Variants in LAMA3 observed in about 807,000 individuals in gnomAD.
The protein encoded by LAMA3 is laminin subunit alpha-3.
A neutral mutation model predicts 402.0 loss-of-function variants in LAMA3; 281 were observed. The ratio of observed to expected loss-of-function variants is 0.70; its 90% CI spans 0.63 to 0.77. The LOEUF is 0.77. Ranked by LOEUF, LAMA3 falls within the 30% of genes least tolerant of loss-of-function variation. The pLI is 0.00. For missense variants in LAMA3, 3,840 were observed against 4,215.5 expected (o/e 0.91, Z 2.47); for synonymous variants, 1,431 against 1,558.4 (o/e 0.92, Z 1.93).
chr18:23,914,627 T>G (rs572734946), intron 57 of LAMA3, 66 bp downstream of exon 57: 1 of 1,605,034 alleles, frequency 6.2e-7, no homozygotes, highest in Non-Finnish European at 8.5e-7. Flanking sequence ...CTGAACCCCA[T>G]TTTTAGTGGC....
intron 1 of LAMA3, among the ~76,000 whole-genome samples, chr18:23,697,631 T>C (rs1313026353): frequency 6.6e-6 from 1 of 152,168 alleles, no homozygotes; most frequent in African/African-American, 2.4e-5. Context: ...TCATTGGAGC[T>C]TCCTGGATTT....
intron 38 of LAMA3, among the ~76,000 whole-genome samples, chr18:23,875,985 T>C (rs1000219115): frequency 1.3e-5 from 2 of 152,154 alleles, no homozygotes; most frequent in Non-Finnish European, 2.9e-5. Flanking sequence ...ATTAAAAATA[T>C]TCACACTCAC....
chr18:23,894,923 G>A lies in LAMA3; in HGVS notation c.5478G>A (p.Val1826=). 6.2e-7 allele frequency: 1 copy of A among 1,614,216 alleles called. No homozygotes were observed. Among genetic ancestry groups the A allele is most frequent in the Non-Finnish European group, 8.5e-7 (1 of 1,180,038 alleles). Reference sequence around the variant, plus strand: ...CCCCTACAGATTGCGACAGCTGTGTGATGACCCTCCTGAACGACCTGGCCA... The same window carrying A: ...CCCCTACAGATTGCGACAGCTGTGTAATGACCCTCCTGAACGACCTGGCCA... ...AEECDDCDSC[V]MTLLNDLATM... The change falls in exon 44 of 75, where the codon GTG becomes GTA. Residue 1826 remains valine, a synonymous_variant. Transcript: ENST00000313654.
chr18:23,768,554 A>G (rs1350265272), intron 8 of LAMA3, among the ~76,000 whole-genome samples: 1 of 152,232 alleles, frequency 6.6e-6, no homozygotes, highest in Non-Finnish European at 1.5e-5. Context: ...GGGGATGTAA[A>G]TTATTTTAGC....
At chr18:23,845,646 A>G (rs904076538) in intron 30 of LAMA3, among the ~76,000 whole-genome samples, 2 of 152,184 alleles carry the variant, frequency 1.3e-5, no homozygotes, top group African/African-American at 2.4e-5. Flanking sequence ...TTTCCCTGTC[A>G]TAGATTCCTG....
chr18:23,808,002 CCTT>C (rs2062996250), intron 12 of LAMA3, among the ~76,000 whole-genome samples: 1 of 152,144 alleles, frequency 6.6e-6, no homozygotes, highest in Non-Finnish European at 1.5e-5. Flanking sequence ...GAGTGTTTGT[CCTT>C]CTGTCTGCCA....
chr18:23,884,834 A>G lies in LAMA3; in HGVS notation c.5284A>G (p.Thr1762Ala). 1 of 1,612,528 alleles carries G rather than the reference A, an allele frequency of 6.2e-7. No homozygotes were observed. The highest frequency in any genetic ancestry group is 8.5e-7 in the Non-Finnish European group (1 of 1,179,246). Residue 1762 changes from threonine to alanine, a missense_variant, in exon 41 of 75, where the codon ACA becomes GCA. By Grantham distance (58) the Thr-to-Ala change is moderately conservative. Around this residue, in one of 3 missense-constraint regions of LAMA3, gnomAD observed 2,109 missense variants for 2,376.0 expected, o/e 0.89. Coordinates refer to ENST00000313654, the MANE Select transcript of LAMA3 (RefSeq NM_198129.4). ...GCGGTGCTCCTGCAAAGCTGGGTAC[A>G]CAGGAACACAGTGTGAAAGGTAAGG... ...DVRCSCKAGY[T>A]GTQCERCAPG... is the part of the protein sequence containing the mutation.
At chr18:23,700,555 T>C (rs1011730301) in intron 1 of LAMA3, among the ~76,000 whole-genome samples, 14 of 152,172 alleles carry the variant, frequency 9.2e-5, no homozygotes, top group African/African-American at 3.4e-4. Context: ...GACATGACCT[T>C]GAGTGAGTTA....
intron 19 of LAMA3, among the ~76,000 whole-genome samples, chr18:23,821,750 A>G (rs1369879091): frequency 6.6e-6 from 1 of 152,136 alleles, no homozygotes; most frequent in Non-Finnish European, 1.5e-5. Context: ...TGTTACCACT[A>G]TTGTATTTGG....
chr18:23,697,879 CATGGGT>C (rs1383055761), intron 1 of LAMA3, among the ~76,000 whole-genome samples: 2 of 151,972 alleles, frequency 1.3e-5, no homozygotes, highest in African/African-American at 4.8e-5. Flanking sequence ...AAGTCTAAGG[CATGGGT>C]ATGGCTGGTT....
intron 12 of LAMA3, among the ~76,000 whole-genome samples, chr18:23,807,993 A>G (rs2062996060): frequency 6.6e-6 from 1 of 152,178 alleles, no homozygotes; most frequent in Non-Finnish European, 1.5e-5. Context: ...AGGAGATCTG[A>G]GTGTTTGTCC....
chr18:23,872,791 G>A (rs2064566156), intron 38 of LAMA3: 1 of 516,646 alleles, frequency 1.9e-6, no homozygotes, highest in South Asian at 2.0e-5. Flanking sequence ...GATTTAGGGC[G>A]TCTGCAGGGT....
rs1467571507 is a variant in LAMA3, at chr18:23,932,298, G to C, written c.8708+7G>C. 1 of 1,613,650 alleles carries C rather than the reference G, an allele frequency of 6.2e-7. No individual in the cohort carries two copies. Among genetic ancestry groups the C allele is most frequent in the South Asian group, 1.1e-5 (1 of 91,048 alleles). On this transcript the variant is annotated splice_region_variant and intron_variant, in intron 66 of 74. Transcript: ENST00000313654. ...GCAATGTTTTTGTCCAGAGGTAGGT[G>C]ATCCTCTCTTTGTGGGTAACTGATG...
Position 23,879,966 on chromosome 18 carries a change from C to A in LAMA3, c.5113-1970C>A, listed in dbSNP as rs1165242614. ...GTCTCAGAGCTAAGTAGACACAGGA[C>A]TGAAATATATCTATACAGTCATGTT... On this transcript the variant is annotated intron_variant, in intron 39 of 74. Coordinates refer to ENST00000313654, the MANE Select transcript of LAMA3 (RefSeq NM_198129.4). This position sits in a 1 kb window ranked among gnomAD's most constrained non-coding sequence, Gnocchi z 4.2. Among the ~76,000 whole-genome samples the A allele has an allele frequency of 1.3e-5, 2 of 152,194 alleles. No homozygotes were observed. Among genetic ancestry groups the A allele is most frequent in the East Asian group, 1.9e-4 (1 of 5,202 alleles).
At chr18:23,873,458 G>A (rs1472268272) in intron 38 of LAMA3, among the ~76,000 whole-genome samples, 2 of 152,188 alleles carry the variant, frequency 1.3e-5, no homozygotes, top group Non-Finnish European at 2.9e-5. Context: ...GAGCTTGAAT[G>A]CTTGCGGGAT....
At chr18:23,770,942 AT>A (rs1402559257) in intron 8 of LAMA3, among the ~76,000 whole-genome samples, 7 of 152,222 alleles carry the variant, frequency 4.6e-5, no homozygotes, top group African/African-American at 1.7e-4. Flanking sequence ...AGAATGTGGA[AT>A]AACCACACCT....
chr18:23,918,912 T>C lies in LAMA3; in HGVS notation c.7924-2023T>C, dbSNP rs2081736029. On this transcript the variant is annotated intron_variant, in intron 60 of 74. Coordinates refer to ENST00000313654, the MANE Select transcript of LAMA3 (RefSeq NM_198129.4). This position sits in a 1 kb window ranked among gnomAD's most constrained non-coding sequence, Gnocchi z 4.1. ...TCAGGAGATTCCAAGGCTGGACCAG[T>C]TCTGATGGTTTGGGAAGGTCCCAGC... Among the ~76,000 whole-genome samples the C allele has an allele frequency of 6.6e-6, 1 of 152,142 alleles. No individual in the cohort carries two copies. The highest frequency in any genetic ancestry group is 2.4e-5 in the African/African-American group (1 of 41,444).
intron 11 of LAMA3, among the ~76,000 whole-genome samples, chr18:23,783,112 G>A (rs980180024): frequency 6.6e-6 from 1 of 152,154 alleles, no homozygotes; most frequent in Non-Finnish European, 1.5e-5. Context: ...ACATTTGGGA[G>A]TATCCCTCTT....
chr18:23,821,198 G>A, intron 19 of LAMA3, among the ~76,000 whole-genome samples: 1 of 152,152 alleles, frequency 6.6e-6, no homozygotes, highest in African/African-American at 2.4e-5. Flanking sequence ...AGTTATTTTG[G>A]TCAGAGGACC....
Sources: allele counts gnomAD v4.1 joint callset (sites outside exome capture counted in the v4.1 genomes callset), GRCh38; gene constraint gnomAD v4.1.1; regional missense constraint gnomAD v4.1.1; non-coding constraint Gnocchi (gnomAD v3.1); transcripts MANE v1.5; gene names NCBI Gene and HGNC (gene_info 2026-07-23, HGNC 2026-07-21).